Variants in DCTD observed in about 807,000 individuals in gnomAD.
DCTD encodes deoxycytidylate deaminase.
In DCTD, 23 loss-of-function variants were observed where a neutral mutation model predicts 21.0. That is an observed-to-expected ratio of 1.09 (90% CI 0.79 to 1.55). DCTD has a LOEUF of 1.55. Among genes scored for constraint, DCTD ranks in the 40% most tolerant of loss-of-function variants. The pLI is 0.00. For synonymous variants in DCTD, 71 were observed against 81.1 expected (o/e 0.88, Z 0.67); for missense variants, 224 against 230.0 (o/e 0.97, Z 0.17).
chr4:182,895,261 G>A (rs1734536673), intron 3 of DCTD, among the ~76,000 whole-genome samples: 1 of 152,142 alleles, frequency 6.6e-6, no homozygotes, highest in Non-Finnish European at 1.5e-5. Flanking sequence ...TGTAGAGATG[G>A]AGTCTCACTA....
Position 182,915,026 on chromosome 4 carries a change from C to T in DCTD, c.141G>A (p.Lys47=). 1 of 1,614,248 alleles carries T rather than the reference C, an allele frequency of 6.2e-7. No individual in the cohort carries two copies. Among genetic ancestry groups the T allele is most frequent in the Non-Finnish European group, 8.5e-7 (1 of 1,180,044 alleles). Residue 47 remains lysine (K), a synonymous_variant, in exon 3 of 6, where the codon AAG becomes AAA. Transcript: ENST00000438320. ...TCCCATTGTACCCAATCCCGACAAT[C>T]TTGTTTTCTGAATTCACGATGCAGG... ...VGACIVNSEN[K]IVGIGYNGMP... is the part of the protein sequence containing the mutation.
chr4:182,907,713 C>T lies in DCTD; in HGVS notation c.244+7210G>A, dbSNP rs536774913. 3.0e-4 allele frequency among the ~76,000 whole-genome samples: 45 copies of T among 152,228 alleles called. 1 individual carries two copies. The South Asian group carries it at 8.7e-3, about 29-fold the overall frequency. ...TTTACAGCTCTGATTTGACCGAGAACGCTTTCAGAACTCCGTAAGCTGAGA... is the reference window on the plus strand; with the variant it reads ...TTTACAGCTCTGATTTGACCGAGAATGCTTTCAGAACTCCGTAAGCTGAGA... On this transcript the variant is annotated intron_variant, in intron 3 of 5. Transcript: ENST00000438320.
intron 3 of DCTD, among the ~76,000 whole-genome samples, chr4:182,895,033 G>A (rs1323042176): frequency 6.6e-6 from 1 of 152,238 alleles, no homozygotes; most frequent in African/African-American, 2.4e-5. Flanking sequence ...TGTCCATCCT[G>A]AGGGATCTGC....
At chr4:182,907,914 C>T (rs1006878325) in intron 3 of DCTD, among the ~76,000 whole-genome samples, 1 of 152,110 alleles carries the variant, frequency 6.6e-6, no homozygotes, top group East Asian at 1.9e-4. Context: ...AACCTGGAAC[C>T]CTTGGCTCCT....
intron 3 of DCTD, among the ~76,000 whole-genome samples, chr4:182,901,492 C>T (rs1430795766): frequency 1.3e-5 from 2 of 152,166 alleles, no homozygotes; most frequent in Non-Finnish European, 2.9e-5. Context: ...TGTGGTGGCT[C>T]CCGCTAGGAC....
intron 2 of DCTD, among the ~76,000 whole-genome samples, 162 bp from the exon 3 acceptor site, chr4:182,915,220 A>G (rs1561349230): frequency 1.3e-5 from 2 of 152,194 alleles, no homozygotes; most frequent in Non-Finnish European, 2.9e-5. Context: ...TTGTGGCAGC[A>G]CCCACAAGCC....
At chr4:182,907,318 T>G (rs1447185449) in intron 3 of DCTD, among the ~76,000 whole-genome samples, 1 of 152,120 alleles carries the variant, frequency 6.6e-6, no homozygotes, top group East Asian at 1.9e-4. Context: ...TTGTATTTTC[T>G]GTAGAGACGG....
chr4:182,897,205 T>C (rs1185603376), intron 3 of DCTD, among the ~76,000 whole-genome samples: 4 of 152,156 alleles, frequency 2.6e-5, no homozygotes, highest in Non-Finnish European at 5.9e-5. Flanking sequence ...AGAGGGCGAT[T>C]TATAGAAATA....
At chr4:182,914,165 G>A (rs183910053) in intron 3 of DCTD, among the ~76,000 whole-genome samples, 1 of 152,030 alleles carries the variant, frequency 6.6e-6, no homozygotes, top group Non-Finnish European at 1.5e-5. Flanking sequence ...CTGCCACCAC[G>A]CACAGCTAAT....
chr4:182,897,147 A>C (rs1399024962), intron 3 of DCTD, among the ~76,000 whole-genome samples: 1 of 152,152 alleles, frequency 6.6e-6, no homozygotes, highest in African/African-American at 2.4e-5. Flanking sequence ...AGTGAAAATT[A>C]CCATATGAAA....
intron 3 of DCTD, among the ~76,000 whole-genome samples, chr4:182,906,279 T>C (rs1313086401): frequency 6.6e-6 from 1 of 151,952 alleles, no homozygotes; most frequent in African/African-American, 2.4e-5. Flanking sequence ...CTGGTCCCTA[T>C]CTCATTAAAA....
chr4:182,911,967 T>C (rs984066685), intron 3 of DCTD, among the ~76,000 whole-genome samples: 1 of 152,144 alleles, frequency 6.6e-6, no homozygotes, highest in Non-Finnish European at 1.5e-5. Flanking sequence ...TTAAAAATCA[T>C]TGTCCAGAAC....
intron 5 of DCTD, among the ~76,000 whole-genome samples, chr4:182,892,391 C>G (rs1005780979): frequency 6.6e-6 from 1 of 152,086 alleles, no homozygotes; most frequent in Admixed American, 6.5e-5. Context: ...TAAAAAGAAT[C>G]CCCAGGTGGC....
chr4:182,896,078 G>A (rs1370989173), intron 3 of DCTD, among the ~76,000 whole-genome samples: 1 of 152,156 alleles, frequency 6.6e-6, no homozygotes, highest in Non-Finnish European at 1.5e-5. Flanking sequence ...ACCCTCTCCA[G>A]CCTGCCAACC....
chr4:182,916,594 T>G, intron 1 of DCTD: 4 of 993,660 alleles, frequency 4.0e-6, no homozygotes, highest in Non-Finnish European at 4.8e-6. Context: ...CACCCACTGA[T>G]TACGCTGCCC....
intron 3 of DCTD, among the ~76,000 whole-genome samples, chr4:182,908,597 C>T (rs1438473680): frequency 6.8e-6 from 1 of 147,306 alleles, no homozygotes; most frequent in African/African-American, 2.5e-5. Flanking sequence ...GCAGGAGAAT[C>T]GCTTGAAACC....
intron 2 of DCTD, 120 bp from the exon 3 acceptor site, chr4:182,915,178 G>T: frequency 3.1e-6 from 4 of 1,302,128 alleles, no homozygotes; most frequent in Admixed American, 1.9e-5. Flanking sequence ...TGCTGCAGGT[G>T]CTGAGAGCTG....
At chr4:182,917,404 G>T (rs1738939241), upstream of DCTD, 1 of 1,067,094 alleles carries the variant, frequency 9.4e-7, no homozygotes, top group East Asian at 5.9e-5. This position sits in a 1 kb window ranked among gnomAD's most constrained non-coding sequence, Gnocchi z 4.9. Flanking sequence ...GGCCGCCGCG[G>T]GGCCGGAAGG....
intron 1 of DCTD, 197 bp from the exon 2 acceptor site, chr4:182,915,772 C>T: frequency 1.1e-6 from 1 of 878,958 alleles, no homozygotes; most frequent in Non-Finnish European, 1.6e-6. Flanking sequence ...TTTCCTATTT[C>T]AGAAGTTTGA....
Sources: allele counts gnomAD v4.1 joint callset (sites outside exome capture counted in the v4.1 genomes callset), GRCh38; gene constraint gnomAD v4.1.1; non-coding constraint Gnocchi (gnomAD v3.1); transcripts MANE v1.5; gene names NCBI Gene and HGNC (gene_info 2026-07-23, HGNC 2026-07-21).